Variants in ANKRD11 observed in about 807,000 individuals in gnomAD.
ANKRD11 encodes ankyrin repeat domain-containing protein 11.
In ANKRD11, 17 loss-of-function variants were observed where a neutral mutation model predicts 195.7. The ratio of observed to expected loss-of-function variants is 0.09; its 90% CI spans 0.06 to 0.13. The LOEUF (loss-of-function observed/expected upper bound fraction) is 0.13. ANKRD11 is among the 10% of genes least tolerant of loss of function. ANKRD11 has a pLI of 1.00. For missense variants in ANKRD11, 3,735 were observed against 3,566.1 expected (o/e 1.05, Z -1.21); for synonymous variants, 1,953 against 1,528.1 (o/e 1.28, Z -6.49).
intron 2 of ANKRD11, among the ~76,000 whole-genome samples, chr16:89,380,773 G>C (rs952533124): frequency 3.9e-5 from 6 of 152,254 alleles, no homozygotes; most frequent in African/African-American, 1.4e-4. Flanking sequence ...GGCATCTCCT[G>C]CACGGGCAGC....
chr16:89,338,177 C>G (rs575108008), intron 2 of ANKRD11, among the ~76,000 whole-genome samples: 2 of 152,168 alleles, frequency 1.3e-5, no homozygotes, highest in Admixed American at 1.3e-4. Flanking sequence ...TGTGCTGCCC[C>G]GAGACGCACT....
intron 2 of ANKRD11, among the ~76,000 whole-genome samples, chr16:89,344,995 G>A (rs1317809467): frequency 1.3e-5 from 2 of 152,220 alleles, no homozygotes; most frequent in East Asian, 3.8e-4. Context: ...GCACACAGCA[G>A]AAGCAGGCGC....
chr16:89,308,740 G>A (rs1404348834), intron 3 of ANKRD11, among the ~76,000 whole-genome samples: 3 of 152,168 alleles, frequency 2.0e-5, no homozygotes, highest in African/African-American at 4.8e-5. Flanking sequence ...TAAACTGCCC[G>A]TCCAAAGGCA....
At chr16:89,339,413 G>C (rs2151991254) in intron 2 of ANKRD11, among the ~76,000 whole-genome samples, 1 of 152,272 alleles carries the variant, frequency 6.6e-6, no homozygotes, top group East Asian at 1.9e-4. Flanking sequence ...AAGCTGGTCG[G>C]TAGCATCACA....
intron 1 of ANKRD11, among the ~76,000 whole-genome samples, chr16:89,462,472 A>G (rs78581504): frequency 2.0e-5 from 3 of 151,974 alleles, no homozygotes; most frequent in African/African-American, 7.3e-5. Context: ...CGAGACTGCA[A>G]CCTCTGCCCG....
At position 89,490,505 on chromosome 16, in the gene ANKRD11, C is replaced by T; in HGVS notation, c.-405G>A. 2.1e-6 allele frequency: 1 copy of T among 467,202 alleles called. No homozygotes were observed. The highest frequency in any genetic ancestry group is 3.4e-5 in the South Asian group (1 of 29,290). 28.9% of individuals were successfully genotyped at this position (467,202 alleles called of 1,614,324 possible). The stretch of plus-strand genomic sequence containing the variant: ...GGGCGTCTGGCCGCGGGCTCGGCGG[C>T]GGCGCCTCCCCGGCTGGGGCCCTCG... On this transcript the variant is annotated 5_prime_UTR_variant, in exon 1 of 13. Coordinates refer to ENST00000301030, the MANE Select transcript of ANKRD11 (RefSeq NM_013275.6).
chr16:89,305,460 C>T (rs2036133016), intron 3 of ANKRD11, 116 bp from the exon 4 acceptor site: 4 of 1,415,568 alleles, frequency 2.8e-6, no homozygotes, highest in Middle Eastern at 1.9e-4. Flanking sequence ...TGAACACCCT[C>T]CCTGCACCCC....
At chr16:89,313,351 C>T (rs756221906) in intron 3 of ANKRD11, 2 of 1,287,524 alleles carry the variant, frequency 1.6e-6, no homozygotes, top group South Asian at 1.2e-5. Flanking sequence ...ATGCAGACAC[C>T]TGCTGGTTCT....
intron 4 of ANKRD11, among the ~76,000 whole-genome samples, chr16:89,302,176 A>C (rs149492839): frequency 6.6e-6 from 1 of 152,280 alleles, no homozygotes; most frequent in Non-Finnish European, 1.5e-5. Flanking sequence ...GAAGGAGGGG[A>C]CGCGGCGTGT....
At chr16:89,403,718 C>T (rs1195430609) in intron 2 of ANKRD11, 2 of 152,160 alleles carry the variant, frequency 1.3e-5, no homozygotes, top group African/African-American at 4.8e-5. Context: ...TGACTTGAGG[C>T]CATAAGTTTG....
intron 1 of ANKRD11, among the ~76,000 whole-genome samples, chr16:89,478,258 C>T (rs2057324144): frequency 1.3e-5 from 2 of 152,106 alleles, no homozygotes; most frequent in Non-Finnish European, 2.9e-5. Context: ...CCCATTTTCA[C>T]ATCCAGGGTC....
chr16:89,471,939 C>T (rs746344282), intron 1 of ANKRD11, among the ~76,000 whole-genome samples: 1 of 152,054 alleles, frequency 6.6e-6, no homozygotes, highest in Non-Finnish European at 1.5e-5. Context: ...ATGGCTATGA[C>T]CCTCGAGGCA....
rs567606045 is a variant in ANKRD11, at chr16:89,336,455, C to T, written c.-59-19377G>A. Among the ~76,000 whole-genome samples the T allele has an allele frequency of 2.0e-5, 3 of 152,324 alleles. No homozygotes were observed. In the East Asian group the frequency reaches 5.8e-4, roughly 29 times the overall value. On this transcript the variant is annotated intron_variant, in intron 2 of 12. Transcript: ENST00000301030. ...TCTGTGGTGCTAGGGACCAGGTGAA[C>T]ACTGAAGGAGGGGCCAGACGGAGTC...
intron 2 of ANKRD11, among the ~76,000 whole-genome samples, chr16:89,351,655 C>T (rs531585631): frequency 3.9e-5 from 6 of 152,194 alleles, no homozygotes; most frequent in South Asian, 2.1e-4. Flanking sequence ...GTGACCTGGG[C>T]GCAGGTTCGT....
chr16:89,346,422 T>C (rs902241468), intron 2 of ANKRD11, among the ~76,000 whole-genome samples: 1 of 152,022 alleles, frequency 6.6e-6, no homozygotes, highest in Non-Finnish European at 1.5e-5. Flanking sequence ...TATAAAATCA[T>C]CCAATAATCA....
intron 11 of ANKRD11, chr16:89,272,799 C>T (rs1000208000): frequency 6.6e-6 from 1 of 152,120 alleles, no homozygotes; most frequent in Admixed American, 6.5e-5. Flanking sequence ...GCTACATACA[C>T]AACGGAGTAC....
In ANKRD11 at chr16:89,346,117, C is replaced by T. The variant is rs375793574; in HGVS notation, c.-59-29039G>A. ...AAAAAAAATTAGCCGGGCGTGGTGCCGGGCGCTTGTAATCCCAGCTACTCG... is the reference window on the plus strand; with the variant it reads ...AAAAAAAATTAGCCGGGCGTGGTGCTGGGCGCTTGTAATCCCAGCTACTCG... On this transcript the variant is annotated intron_variant, in intron 2 of 12. Transcript: ENST00000301030. 8.6e-5 allele frequency among the ~76,000 whole-genome samples: 13 copies of T among 151,812 alleles called. No homozygotes were observed. The East Asian group carries it at 2.1e-3, about 25-fold the overall frequency.
chr16:89,431,014 C>A (rs1467462677), intron 1 of ANKRD11, among the ~76,000 whole-genome samples: 1 of 152,070 alleles, frequency 6.6e-6, no homozygotes, highest in Non-Finnish European at 1.5e-5. Context: ...CCGGCCTCTT[C>A]CTAAGACCAA....
chr16:89,426,876 T>C (rs1428005928), intron 1 of ANKRD11, among the ~76,000 whole-genome samples: 2 of 152,210 alleles, frequency 1.3e-5, no homozygotes, highest in East Asian at 3.9e-4. Context: ...GCTTAGTTAT[T>C]TGTGACCTCT....
Sources: gnomAD v4.1 joint callset for allele counts (sites outside exome capture counted in the v4.1 genomes callset) on GRCh38, gnomAD v4.1.1 for gene constraint, MANE v1.5 for transcripts, NCBI Gene and HGNC (gene_info 2026-07-23, HGNC 2026-07-21) for gene names.